The following N4BP1 variants were observed in gnomAD, a reference collection of about 807,000 sequenced individuals.
N4BP1 encodes the protein NEDD4 binding protein 1, also known as NEDD4-binding protein 1.
N4BP1 carries 21 observed loss-of-function variants against 70.9 expected under a neutral mutation model. That is an observed-to-expected ratio of 0.30 (90% CI 0.21 to 0.43). The LOEUF (loss-of-function observed/expected upper bound fraction) is 0.43, where lower values mean the gene tolerates loss of function less well. Among genes scored for constraint, N4BP1 ranks in the 20% least tolerant of loss-of-function variants. The pLI is 1.00. For synonymous variants in N4BP1, 387 were observed against 394.6 expected (o/e 0.98, Z 0.23); for missense variants, 936 against 1,069.4 (o/e 0.88, Z 1.74).
At position 48,609,984 on chromosome 16, in the gene N4BP1, C is replaced by A; in HGVS notation, c.-12G>T. ...GCCCGGGCCGCCATGGCGGGCGCGG[C>A]CTCCCGCGGCGGCGCCGGGGGCCGG... On this transcript the variant is annotated 5_prime_UTR_variant, in exon 1 of 7. Transcript: ENST00000262384. 3.4e-6 allele frequency: 4 copies of A among 1,192,404 alleles called. No individual in the cohort carries two copies. The South Asian group carries it at 1.6e-4, about 48-fold the overall frequency. 73.9% of individuals were successfully genotyped at this position (1,192,404 alleles called of 1,614,324 possible). A position where few individuals can be genotyped will look rare whatever the true frequency, so the allele number is the denominator to read the frequency against.
chr16:48,561,202 A>T lies in N4BP1; in HGVS notation c.1441T>A (p.Tyr481Asn), dbSNP rs1248832948. 1 of 1,614,002 alleles carries T rather than the reference A, an allele frequency of 6.2e-7. No homozygotes were observed. Among genetic ancestry groups the T allele is most frequent in the Non-Finnish European group, 8.5e-7 (1 of 1,179,876 alleles). Residue 481 changes from tyrosine to asparagine, a missense_variant, in exon 2 of 7, where the codon TAC becomes AAC. Physicochemically the swap from Tyr to Asn is moderately radical, Grantham distance 143. Around this residue, in one of 4 missense-constraint regions of N4BP1, gnomAD observed 515 missense variants for 491.7 expected, o/e 1.05. Transcript: ENST00000262384. Reference sequence around the variant, plus strand: ...GTTTCAGGGTCTGTGTTACAAATGTAGTTCTGGTTTGAACCCCAGACTTCA... The same window carrying T: ...GTTTCAGGGTCTGTGTTACAAATGTTGTTCTGGTTTGAACCCCAGACTTCA... ...KHEVWGSNQNYICNTDPETDG... is the reference protein window; with the variant it reads ...KHEVWGSNQNNICNTDPETDG...
intron 1 of N4BP1, among the ~76,000 whole-genome samples, chr16:48,586,361 A>G (rs891178475): frequency 1.3e-5 from 2 of 152,238 alleles, no homozygotes; most frequent in African/African-American, 4.8e-5. Context: ...TCTTTTTAAT[A>G]TAACCACAAT....
At chr16:48,562,766 A>C (rs886644638) in intron 1 of N4BP1, among the ~76,000 whole-genome samples, 1 of 152,204 alleles carries the variant, frequency 6.6e-6, no homozygotes, top group African/African-American at 2.4e-5. Flanking sequence ...ATCTCTAATG[A>C]AAAGACATCT....
At chr16:48,559,488 A>G (rs914413466) in intron 2 of N4BP1, among the ~76,000 whole-genome samples, 5 of 152,214 alleles carry the variant, frequency 3.3e-5, no homozygotes, top group Admixed American at 2.0e-4. Context: ...ATTAAATTAA[A>G]TTTGGCCTAA....
intron 2 of N4BP1, among the ~76,000 whole-genome samples, chr16:48,555,718 C>CTA (rs533041513): frequency 8.6e-5 from 13 of 151,902 alleles, no homozygotes; most frequent in Non-Finnish European, 1.9e-4. Flanking sequence ...ATCCATCACT[C>CTA]TAATTGCTTA....
chr16:48,546,690 C>T (rs1354367048), intron 5 of N4BP1: 1 of 152,636 alleles, frequency 6.6e-6, no homozygotes, highest in Admixed American at 6.5e-5. Context: ...AAAAGGAAAA[C>T]CATATATGAA....
At chr16:48,596,618 T>C (rs1307176882) in intron 1 of N4BP1, among the ~76,000 whole-genome samples, 1 of 152,240 alleles carries the variant, frequency 6.6e-6, no homozygotes, top group Non-Finnish European at 1.5e-5. Flanking sequence ...GAGATCAGAC[T>C]TGACTGACTC....
At chr16:48,571,222 C>G (rs1389222431) in intron 1 of N4BP1, among the ~76,000 whole-genome samples, 1 of 152,180 alleles carries the variant, frequency 6.6e-6, no homozygotes, top group Admixed American at 6.5e-5. Context: ...TGTGCAGACA[C>G]TTGGATAAGG....
At chr16:48,585,992 G>A (rs150956161) in intron 1 of N4BP1, among the ~76,000 whole-genome samples, 173 of 152,196 alleles carry the variant, frequency 1.1e-3, no homozygotes, top group African/African-American at 3.1e-3. Flanking sequence ...CACTGCGCCC[G>A]GCCAAACTTT....
intron 1 of N4BP1, among the ~76,000 whole-genome samples, chr16:48,565,366 A>C (rs2151090731): frequency 1.3e-5 from 2 of 152,266 alleles, no homozygotes; most frequent in Middle Eastern, 6.8e-3. Flanking sequence ...ATGGGTGTTG[A>C]AATTTGTCAA....
At chr16:48,558,386 C>T (rs940456002) in intron 2 of N4BP1, among the ~76,000 whole-genome samples, 1 of 151,574 alleles carries the variant, frequency 6.6e-6, no homozygotes, top group African/African-American at 2.4e-5. Flanking sequence ...TGATACTGTA[C>T]TCAGGGCATT....
intron 2 of N4BP1, among the ~76,000 whole-genome samples, chr16:48,558,076 G>A (rs898806460): frequency 1.3e-5 from 2 of 152,060 alleles, no homozygotes; most frequent in African/African-American, 4.8e-5. Flanking sequence ...GTTCCAAAAT[G>A]TTTGTCACTC....
intron 1 of N4BP1, among the ~76,000 whole-genome samples, chr16:48,605,354 C>G (rs1258188261): frequency 6.6e-6 from 1 of 152,168 alleles, no homozygotes; most frequent in Non-Finnish European, 1.5e-5. Context: ...TCTAACTCGT[C>G]TCACCCCCAC....
At chr16:48,544,246 G>T (rs930511809) in intron 6 of N4BP1, among the ~76,000 whole-genome samples, 4 of 152,226 alleles carry the variant, frequency 2.6e-5, no homozygotes, top group African/African-American at 9.6e-5. Flanking sequence ...AAAGAGAAAT[G>T]ATTCACAAGA....
chr16:48,603,071 G>A (rs931468303), intron 1 of N4BP1, among the ~76,000 whole-genome samples: 3 of 152,100 alleles, frequency 2.0e-5, no homozygotes, highest in African/African-American at 7.2e-5. Context: ...ACAGTACCTG[G>A]TCAACTTGAA....
intron 2 of N4BP1, among the ~76,000 whole-genome samples, chr16:48,557,255 G>C (rs560342474): frequency 6.6e-6 from 1 of 152,282 alleles, no homozygotes; most frequent in East Asian, 1.9e-4. Flanking sequence ...CCAACTACTT[G>C]GGTCAAATCA....
At chr16:48,560,629 A>G in intron 2 of N4BP1, 125 bp downstream of exon 2, 1 of 1,300,166 alleles carries the variant, frequency 7.7e-7, no homozygotes, top group Non-Finnish European at 1.0e-6. Context: ...CCCCTCCACC[A>G]TCCGACCCTA....
At chr16:48,589,481 G>A (rs1964300817) in intron 1 of N4BP1, among the ~76,000 whole-genome samples, 3 of 152,158 alleles carry the variant, frequency 2.0e-5, no homozygotes, top group Admixed American at 1.3e-4. Flanking sequence ...CCTGAAGGGT[G>A]TTGTTCCTGG....
intron 1 of N4BP1, chr16:48,600,298 C>A: frequency 8.9e-7 from 1 of 1,127,294 alleles, no homozygotes; most frequent in Non-Finnish European, 1.3e-6. Context: ...AAGCACAATC[C>A]TTGCAAAGTT....
Sources: allele counts gnomAD v4.1 joint callset (sites outside exome capture counted in the v4.1 genomes callset), GRCh38; gene constraint gnomAD v4.1.1; regional missense constraint gnomAD v4.1.1; transcripts MANE v1.5; gene names NCBI Gene and HGNC (gene_info 2026-07-23, HGNC 2026-07-21).